Variants in CNKSR2 observed in about 807,000 individuals in gnomAD.
CNKSR2 encodes connector enhancer of kinase suppressor of Ras 2.
In CNKSR2, 14 loss-of-function variants were observed where a neutral mutation model predicts 84.4. The observed-to-expected ratio is 0.17, with a 90% CI of 0.11 to 0.26. The LOEUF (loss-of-function observed/expected upper bound fraction) is 0.26. Among genes scored for constraint, CNKSR2 ranks in the 10% least tolerant of loss-of-function variants. The pLI is 1.00. For missense variants in CNKSR2, 485 were observed against 771.2 expected (o/e 0.63, Z 4.40); for synonymous variants, 275 against 277.9 (o/e 0.99, Z 0.10).
intron 13 of CNKSR2, among the ~76,000 whole-genome samples, chrX:21,586,246 A>C (rs1038696203): frequency 8.9e-6 from 1 of 112,022 alleles, no homozygotes; most frequent in Admixed American, 9.4e-5. Context: ...CTGGGAAGGC[A>C]AGCAGAGCTT....
chrX:21,601,448 C>A, intron 18 of CNKSR2, 99 bp downstream of exon 18: 1 of 532,995 alleles, frequency 1.9e-6, no homozygotes, highest in South Asian at 4.0e-5. Flanking sequence ...AAATACATGT[C>A]AATTTTTGGT....
At chrX:21,395,352 C>T (rs1463578881) in intron 1 of CNKSR2, among the ~76,000 whole-genome samples, 1 of 111,218 alleles carries the variant, frequency 9.0e-6, no homozygotes, top group African/African-American at 3.3e-5. Flanking sequence ...GAAATATTCA[C>T]CATGATTTTG....
chrX:21,582,650 G>A (rs2092360412), intron 13 of CNKSR2, among the ~76,000 whole-genome samples: 1 of 111,708 alleles, frequency 9.0e-6, no homozygotes, highest in Admixed American at 9.5e-5. Flanking sequence ...CTTTACATAT[G>A]TATTATAAGG....
chrX:21,652,535 T>C lies in CNKSR2; in HGVS notation c.*14T>C. The C allele has an allele frequency of 6.1e-6, 7 of 1,143,718 alleles. No homozygotes were observed. Among genetic ancestry groups the C allele is most frequent in the Non-Finnish European group, 8.4e-6 (7 of 834,001 alleles). 94.3% of individuals were successfully genotyped at this position (1,143,718 alleles called of 1,213,427 possible). On this transcript the variant is annotated 3_prime_UTR_variant, in exon 22 of 22. Transcript: ENST00000379510. ...ACGCATGTCTAAATGTATTCTGCCT[T>C]CAGACCATCTAGTACCTGCTGGTAC...
intron 5 of CNKSR2, among the ~76,000 whole-genome samples, chrX:21,479,208 C>A (rs1271164000): frequency 1.8e-5 from 2 of 111,463 alleles, no homozygotes; most frequent in Non-Finnish European, 3.8e-5. Flanking sequence ...TAATGGCCTC[C>A]AGTTCCATCC....
intron 8 of CNKSR2, among the ~76,000 whole-genome samples, chrX:21,511,179 G>T (rs747879988): frequency 9.0e-6 from 1 of 111,107 alleles, no homozygotes; most frequent in African/African-American, 3.3e-5. Context: ...ACATCATTAT[G>T]ACTTTAGGTC....
At chrX:21,419,500 A>G (rs1468353419) in intron 1 of CNKSR2, among the ~76,000 whole-genome samples, 1 of 110,980 alleles carries the variant, frequency 9.0e-6, no homozygotes, top group African/African-American at 3.3e-5. Flanking sequence ...TTAGGAATTT[A>G]TTAGAGTTTT....
chrX:21,606,007 G>C (rs1023936078), intron 18 of CNKSR2, among the ~76,000 whole-genome samples: 1 of 111,922 alleles, frequency 8.9e-6, no homozygotes, highest in African/African-American at 3.2e-5. Context: ...CCGATTATTA[G>C]CCCTTTTGCT....
In CNKSR2 at chrX:21,654,622, A is replaced by T. The variant is rs1056160508; in HGVS notation, c.*2101A>T. 2 of 111,967 alleles carry T rather than the reference A, an allele frequency of 1.8e-5. No homozygotes were observed. The highest frequency in any genetic ancestry group is 9.5e-5 in the Admixed American group (1 of 10,539). 9.2% of individuals were successfully genotyped at this position (111,967 alleles called of 1,213,427 possible). ...ATATAATATCTGTACATTTTATTGC[A>T]TTCGTTTCAAATCTAGGAGAGAGGC... On this transcript the variant is annotated 3_prime_UTR_variant, in exon 22 of 22. Transcript: ENST00000379510.
At chrX:21,466,246 C>T (rs957552855) in intron 4 of CNKSR2, among the ~76,000 whole-genome samples, 23 of 111,458 alleles carry the variant, frequency 2.1e-4, no homozygotes, top group Non-Finnish European at 3.8e-4. Flanking sequence ...GTGTACCTTT[C>T]CACAGCATGA....
chrX:21,602,129 G>A (rs112027163), intron 18 of CNKSR2, among the ~76,000 whole-genome samples: 7 of 108,629 alleles, frequency 6.4e-5, no homozygotes, highest in African/African-American at 2.4e-4. Context: ...TGTTTTTTTT[G>A]TTTGTTTGTT....
chrX:21,599,402 G>A (rs901306919), intron 17 of CNKSR2, among the ~76,000 whole-genome samples: 1 of 100,482 alleles, frequency 1.0e-5, no homozygotes, highest in Non-Finnish European at 2.0e-5. Flanking sequence ...GTCTCGCTCT[G>A]TCACCCAGGC....
chrX:21,575,655 A>G (rs1169456809), intron 13 of CNKSR2, among the ~76,000 whole-genome samples: 3 of 111,730 alleles, frequency 2.7e-5, no homozygotes, highest in African/African-American at 9.8e-5. Context: ...GTGAGTTCCC[A>G]GGCTTTTTTA....
chrX:21,513,095 C>T (rs906769473), intron 8 of CNKSR2, among the ~76,000 whole-genome samples: 8 of 111,827 alleles, frequency 7.2e-5, no homozygotes, highest in Non-Finnish European at 7.5e-5. Context: ...TGCGATTATT[C>T]GGTAGCTATT....
chrX:21,491,136 A>G (rs1222117011), intron 6 of CNKSR2: 2 of 111,695 alleles, frequency 1.8e-5, no homozygotes, highest in African/African-American at 6.5e-5. Flanking sequence ...TAATAAATAT[A>G]ATCATGTTTG....
intron 1 of CNKSR2, among the ~76,000 whole-genome samples, chrX:21,390,271 G>A (rs2090030150): frequency 1.8e-5 from 2 of 111,491 alleles, no homozygotes; most frequent in Admixed American, 1.9e-4. Flanking sequence ...ACTTAGGGCA[G>A]ATATTTAGTT....
intron 4 of CNKSR2, among the ~76,000 whole-genome samples, chrX:21,464,618 C>T (rs904538178): frequency 1.8e-5 from 2 of 111,264 alleles, no homozygotes; most frequent in Non-Finnish European, 3.8e-5. Flanking sequence ...TCTTAAGGGG[C>T]TATGAAGAAT....
chrX:21,506,479 A>G, intron 8 of CNKSR2: 1 of 111,612 alleles, frequency 9.0e-6, no homozygotes, highest in Middle Eastern at 4.7e-3. Flanking sequence ...ATGTGTGGAA[A>G]CTGGTTTTGA....
chrX:21,640,466 C>T (rs959663095), intron 20 of CNKSR2, among the ~76,000 whole-genome samples: 1 of 111,260 alleles, frequency 9.0e-6, no homozygotes, highest in African/African-American at 3.3e-5. Flanking sequence ...TCAGTTTCCA[C>T]CCCCATTTCT....
Sources: allele counts gnomAD v4.1 joint callset (sites outside exome capture counted in the v4.1 genomes callset), GRCh38; gene constraint gnomAD v4.1.1; transcripts MANE v1.5; gene names NCBI Gene and HGNC (gene_info 2026-07-23, HGNC 2026-07-21).